The following TCF4 variants were observed in gnomAD, a reference collection of about 807,000 sequenced individuals.
The protein encoded by TCF4 is transcription factor 4.
Under a neutral mutation model 82.1 loss-of-function variants are expected in TCF4, and 3 were observed. The ratio of observed to expected loss-of-function variants is 0.04; its 90% CI spans 0.02 to 0.09. The LOEUF (loss-of-function observed/expected upper bound fraction) is 0.09, where lower values mean the gene tolerates loss of function less well. TCF4 is among the 10% of genes least tolerant of loss of function. The probability of loss-of-function intolerance (pLI) is 1.00; values close to 1 mark genes in which losing one functional copy is unlikely to be tolerated. For synonymous variants in TCF4, 276 were observed against 309.6 expected (o/e 0.89, Z 1.14); for missense variants, 518 against 852.7 (o/e 0.61, Z 4.89).
At chr18:55,518,653 G>A (rs926018215) in intron 3 of TCF4, among the ~76,000 whole-genome samples, 1 of 152,136 alleles carries the variant, frequency 6.6e-6, no homozygotes, top group African/African-American at 2.4e-5. Flanking sequence ...AAGCAAGGAT[G>A]AATAACCCAG....
At chr18:55,572,170 G>A (rs2097479621) in intron 3 of TCF4, among the ~76,000 whole-genome samples, 1 of 152,116 alleles carries the variant, frequency 6.6e-6, no homozygotes, top group Non-Finnish European at 1.5e-5. Context: ...AAGAGCTCTA[G>A]GGTCATAGAA....
intron 8 of TCF4, among the ~76,000 whole-genome samples, chr18:55,333,892 T>C (rs2078094239): frequency 6.6e-6 from 1 of 152,172 alleles, no homozygotes; most frequent in Admixed American, 6.5e-5. Flanking sequence ...AACAACCAGC[T>C]CAGAACTTTG....
intron 5 of TCF4, among the ~76,000 whole-genome samples, chr18:55,452,365 T>C (rs1029919176): frequency 1.3e-5 from 2 of 152,252 alleles, no homozygotes. Flanking sequence ...CCCTAGGCAG[T>C]AGGCATTCTT....
intron 14 of TCF4, among the ~76,000 whole-genome samples, chr18:55,255,077 C>T (rs1187596197): frequency 1.3e-5 from 2 of 152,100 alleles, no homozygotes; most frequent in Non-Finnish European, 2.9e-5. Context: ...AAACAATTAC[C>T]ACTGGAAAGA....
At chr18:55,542,319 T>C (rs1304651409) in intron 3 of TCF4, among the ~76,000 whole-genome samples, 1 of 152,000 alleles carries the variant, frequency 6.6e-6, no homozygotes, top group East Asian at 1.9e-4. Context: ...AAGTTAATTT[T>C]CTTGACTCAT....
At chr18:55,559,033 C>T (rs1211811679) in intron 3 of TCF4, among the ~76,000 whole-genome samples, 1 of 139,710 alleles carries the variant, frequency 7.2e-6, no homozygotes, top group East Asian at 2.0e-4. Context: ...TTGTATATAT[C>T]TCCCCCCTAA....
intron 3 of TCF4, among the ~76,000 whole-genome samples, chr18:55,503,792 T>C (rs1257877052): frequency 6.6e-6 from 1 of 152,150 alleles, no homozygotes; most frequent in Admixed American, 6.5e-5. Context: ...TCTATTCTAA[T>C]GGCCGGGCAC....
chr18:55,280,166 A>G (rs2062284741), intron 8 of TCF4, among the ~76,000 whole-genome samples: 1 of 152,214 alleles, frequency 6.6e-6, no homozygotes, highest in Non-Finnish European at 1.5e-5. Context: ...AGTGATAAAT[A>G]TATCTTAGAA....
In TCF4 at chr18:55,227,001, T is replaced by A. The variant is rs2046680572; in HGVS notation, c.*1034A>T. On this transcript the variant is annotated 3_prime_UTR_variant, in exon 20 of 20. Coordinates refer to ENST00000354452, the MANE Select transcript of TCF4 (RefSeq NM_001083962.2). ...TACCTCTGAAAATCCCAGAATAGGT[T>A]CACAAACGCAACATTACAATTCAGA... 6.6e-6 allele frequency: 1 copy of A among 152,646 alleles called. No individual in the cohort carries two copies. The highest frequency in any genetic ancestry group is 6.5e-5 in the Admixed American group (1 of 15,274). The allele number at this position is 152,646 out of a possible 1,614,324, so 9.5% of individuals were successfully genotyped here.
intron 6 of TCF4, among the ~76,000 whole-genome samples, chr18:55,381,138 G>A (rs1189231063): frequency 2.0e-5 from 3 of 152,084 alleles, no homozygotes; most frequent in East Asian, 1.9e-4. Flanking sequence ...AGAATAGCAC[G>A]AAATGTCTTG....
intron 5 of TCF4, among the ~76,000 whole-genome samples, chr18:55,406,280 G>A (rs1197654198): frequency 6.6e-6 from 1 of 151,780 alleles, no homozygotes; most frequent in Non-Finnish European, 1.5e-5. Context: ...ACATCTTTTT[G>A]TTCCCCAATT....
chr18:55,630,943 C>T (rs964960312), intron 2 of TCF4, among the ~76,000 whole-genome samples: 6 of 151,838 alleles, frequency 4.0e-5, no homozygotes, highest in African/African-American at 1.5e-4. Flanking sequence ...CCAGAGTGGC[C>T]AGGAAACACA....
intron 8 of TCF4, among the ~76,000 whole-genome samples, chr18:55,333,657 T>C (rs1245739905): frequency 3.3e-5 from 5 of 152,192 alleles, no homozygotes; most frequent in Non-Finnish European, 5.9e-5. Context: ...TTGCCCCATG[T>C]AAGTAAAATT....
At chr18:55,316,840 C>A (rs1283243816) in intron 8 of TCF4, among the ~76,000 whole-genome samples, 7 of 152,064 alleles carry the variant, frequency 4.6e-5, no homozygotes, top group Admixed American at 4.6e-4. Flanking sequence ...ATAATGCCAT[C>A]ACCCAGCGAC....
At chr18:55,616,033 A>T (rs925922672) in intron 2 of TCF4, among the ~76,000 whole-genome samples, 2 of 152,102 alleles carry the variant, frequency 1.3e-5, no homozygotes, top group African/African-American at 4.8e-5. Flanking sequence ...GTGCACATAG[A>T]GTATTGTGAA....
At chr18:55,589,840 A>G, upstream of TCF4, 1 of 1,004,288 alleles carries the variant, frequency 1.0e-6, no homozygotes, top group African/African-American at 1.7e-5. Context: ...CTGCTCCTCC[A>G]GACAATGACT....
intron 8 of TCF4, among the ~76,000 whole-genome samples, chr18:55,317,295 C>A (rs2074378609): frequency 6.6e-6 from 1 of 151,760 alleles, no homozygotes; most frequent in South Asian, 2.1e-4. Context: ...AATTTGATTA[C>A]TTTGTGGCCT....
At position 55,271,056 on chromosome 18, in the gene TCF4, G is replaced by A. The variant is rs74410841; in HGVS notation, c.790-1093C>T. Among the ~76,000 whole-genome samples, 1,073 of 151,998 alleles carry A rather than the reference G, an allele frequency of 7.1e-3. 8 individuals carry two copies. The highest frequency in any genetic ancestry group is 0.022 in the African/African-American group (892 of 41,482). ...GATTGAATATGATGCTGATAGTCAC[G>A]GGTATTTAAAACCCAAGCATTTGCT... On this transcript the variant is annotated intron_variant, in intron 10 of 19. Transcript: ENST00000354452.
chr18:55,283,297 A>G (rs1568682091), intron 8 of TCF4, among the ~76,000 whole-genome samples: 1 of 152,128 alleles, frequency 6.6e-6, no homozygotes, highest in African/African-American at 2.4e-5. Context: ...AAAAAATTTA[A>G]TTTATTCTAA....
Sources: allele counts gnomAD v4.1 joint callset (sites outside exome capture counted in the v4.1 genomes callset), GRCh38; gene constraint gnomAD v4.1.1; transcripts MANE v1.5; gene names NCBI Gene and HGNC (gene_info 2026-07-23, HGNC 2026-07-21).